Variants in MYH7 observed in about 807,000 individuals in gnomAD.
MYH7 encodes the protein myosin-7.
In MYH7, 129 loss-of-function variants were observed where a neutral mutation model predicts 225.4. The ratio of observed to expected loss-of-function variants is 0.57; its 90% CI spans 0.50 to 0.66. The LOEUF (loss-of-function observed/expected upper bound fraction) is 0.66. Among genes scored for constraint, MYH7 ranks in the 30% least tolerant of loss-of-function variants. The pLI is 0.00. For missense variants in MYH7, 1,649 were observed against 2,517.0 expected, an observed-to-expected ratio of 0.66 and a Z score of 7.38; for synonymous variants, 971 against 1,007.6, an observed-to-expected ratio of 0.96 and a Z score of 0.69.
intron 1 of MYH7, among the ~76,000 whole-genome samples, chr14:23,435,320 G>C (rs1314342372): frequency 7.9e-5 from 12 of 151,946 alleles, no homozygotes; most frequent in Non-Finnish European, 1.8e-4. Flanking sequence ...GTATCAGTCA[G>C]TGAGGTACAT....
At position 23,417,581 on chromosome 14, in the gene MYH7, G is replaced by T. The variant is rs57680382; in HGVS notation, c.4275C>A (p.Ile1425=). ...GCTCTACGTCCACCATCAAGTCCTC[G>T]ATCTCATTCTGTAGCCGGTGCTTGG... ...EKTKHRLQNE[I]EDLMVDVERS... is the part of the protein sequence containing the mutation. The change falls in exon 31 of 40, where the codon ATC becomes ATA. Residue 1425 remains isoleucine (I), a synonymous_variant. Coordinates refer to ENST00000355349, the MANE Select transcript of MYH7 (RefSeq NM_000257.4). The T allele has an allele frequency of 9.9e-6, 16 of 1,612,588 alleles. No individual in the cohort carries two copies. The highest frequency in any genetic ancestry group is 2.1e-4 in the Middle Eastern group (1 of 4,704).
rs758571263 is a variant in MYH7, at chr14:23,415,990, C to T, written c.4953+14G>A. On this transcript the variant is annotated intron_variant, in intron 34 of 39. Transcript: ENST00000355349. The surrounding 1 kb of genome is among the most constrained non-coding windows in gnomAD (Gnocchi z 6.3). Reference sequence around the variant, plus strand: ...GCCAGGCCACGTGGAGGCCAGTCCCCTCTGGGTGAGTACCTTCAACAAGCT... The same window carrying T: ...GCCAGGCCACGTGGAGGCCAGTCCCTTCTGGGTGAGTACCTTCAACAAGCT... 3 of 1,614,034 alleles carry T rather than the reference C, an allele frequency of 1.9e-6. No homozygotes were observed. The African/African-American group carries it at 4.0e-5, about 22-fold the overall frequency.
At chr14:23,429,963 G>T in intron 11 of MYH7, 50 bp from the exon 12 acceptor site, 1 of 1,607,418 alleles carries the variant, frequency 6.2e-7, no homozygotes, top group Non-Finnish European at 8.5e-7. Context: ...AGTATGATGG[G>T]TAAGTGAGAT....
Position 23,427,312 on chromosome 14 carries a change from A to G in MYH7, c.1889-5T>C, listed in dbSNP as rs1201097449. ...TGCCTTTGCCCTTCTCAATAGCTGC[A>G]GGAAGGAGAGTCAACAAAAGAAGCA... is the stretch of plus-strand genomic sequence containing the variant. On this transcript the variant is annotated splice_polypyrimidine_tract_variant and splice_region_variant and intron_variant, in intron 16 of 39. Transcript: ENST00000355349. The G allele has an allele frequency of 2.5e-6, 4 of 1,614,100 alleles. No individual in the cohort carries two copies. The African/African-American group carries it at 5.3e-5, about 22-fold the overall frequency.
rs1892662522 is a variant in MYH7 at position 23,425,590 on chromosome 14, C to T, written c.2286+105G>A. The T allele has an allele frequency of 2.5e-6, 4 of 1,596,772 alleles. No homozygotes were observed. Among genetic ancestry groups the T allele is most frequent in the Admixed American group, 3.4e-5 (2 of 59,644 alleles). On this transcript the variant is annotated intron_variant, in intron 20 of 39. Coordinates refer to ENST00000355349, the MANE Select transcript of MYH7 (RefSeq NM_000257.4). The surrounding 1 kb of genome is among the most constrained non-coding windows in gnomAD (Gnocchi z 4.6). Reference sequence around the variant, plus strand: ...CTAGATGTTCCACTGGGAGGGGTAGCATACAGGTAAGAGATTTTGCTAAGA... The same window carrying T: ...CTAGATGTTCCACTGGGAGGGGTAGTATACAGGTAAGAGATTTTGCTAAGA...
chr14:23,421,399 T>G (rs1892469759), intron 25 of MYH7, among the ~76,000 whole-genome samples: 1 of 152,238 alleles, frequency 6.6e-6, no homozygotes, highest in South Asian at 2.1e-4. Context: ...TTGCTTTGGG[T>G]AACTCAGCTA....
Position 23,425,428 on chromosome 14 carries a change from A to T in MYH7, c.2287-10T>A. 1 of 1,614,022 alleles carries T rather than the reference A, an allele frequency of 6.2e-7. No homozygotes were observed. The highest frequency in any genetic ancestry group is 8.5e-7 in the Non-Finnish European group (1 of 1,179,956). On this transcript the variant is annotated splice_polypyrimidine_tract_variant and intron_variant, in intron 20 of 39. Coordinates refer to ENST00000355349, the MANE Select transcript of MYH7 (RefSeq NM_000257.4). This position sits in a 1 kb window ranked among gnomAD's most constrained non-coding sequence, Gnocchi z 4.6. Reference sequence around the variant, plus strand: ...CGGCCTTGAAGAACACCTGCAGGCAAGGTGTGTGTTGGCCATGACTAGGGA... The same window carrying T: ...CGGCCTTGAAGAACACCTGCAGGCATGGTGTGTGTTGGCCATGACTAGGGA...
At position 23,430,751 on chromosome 14, in the gene MYH7, A is replaced by C. The variant is rs1892897235; in HGVS notation, c.896-88T>G. 28 of 1,339,014 alleles carry C rather than the reference A, an allele frequency of 2.1e-5. No homozygotes were observed. The South Asian group carries it at 2.8e-4, about 13-fold the overall frequency. The allele number at this position is 1,339,014 out of a possible 1,614,324, so 82.9% of individuals were successfully genotyped here. A position where few individuals can be genotyped will look rare whatever the true frequency, so the allele number is the denominator to read the frequency against. ...CACAGCACATGGCCTGAGGAAGAGCACAGGACAGGGCTTGGCTTGGCCCCA... is the reference window on the plus strand; with the variant it reads ...CACAGCACATGGCCTGAGGAAGAGCCCAGGACAGGGCTTGGCTTGGCCCCA... On this transcript the variant is annotated intron_variant, in intron 10 of 39. Transcript: ENST00000355349.
chr14:23,432,832 G>A (rs771747160), intron 4 of MYH7, 37 bp from the exon 5 acceptor site: 8 of 1,613,320 alleles, frequency 5.0e-6, no homozygotes, highest in East Asian at 2.2e-5. Context: ...TGCCAGTTGC[G>A]AAGGGGGAGG....
Position 23,429,354 on chromosome 14 carries a change from G to A in MYH7, c.1139-7C>T. 2.5e-6 allele frequency: 4 copies of A among 1,613,040 alleles called. No homozygotes were observed. Among genetic ancestry groups the A allele is most frequent in the Non-Finnish European group, 3.4e-6 (4 of 1,179,000 alleles). ...TAGGCAGACTTGTCAGCCTCTGGAA[G>A]GAAAAGGCAAGTAGCAAAGTTGGTA... On this transcript the variant is annotated splice_polypyrimidine_tract_variant and splice_region_variant and intron_variant, in intron 12 of 39. Coordinates refer to ENST00000355349, the MANE Select transcript of MYH7 (RefSeq NM_000257.4).
chr14:23,426,724 T>A (rs1363676636), intron 18 of MYH7, 53 bp downstream of exon 18: 13 of 1,520,900 alleles, frequency 8.5e-6, no homozygotes, highest in Non-Finnish European at 1.1e-5. Flanking sequence ...GGAGGTCCTG[T>A]TCCCAGGGCG....
In MYH7 at chr14:23,425,022, T is replaced by G; in HGVS notation, c.2426A>C (p.Asp809Ala). Reference sequence around the variant, plus strand: ...GTTCCACTGGATTACCAGCAGGGAGTCTCTGCAGGGGCCCATTGAAAGGAG... The same window carrying G: ...GTTCCACTGGATTACCAGCAGGGAGGCTCTGCAGGGGCCCATTGAAAGGAG... ...MEYKKLLERRDSLLVIQWNIR... is the reference protein window; with the variant it reads ...MEYKKLLERRASLLVIQWNIR... The change falls in exon 22 of 40, where the codon GAC becomes GCC. Residue 809 changes from aspartate (D) to alanine (A), a missense_variant and splice_region_variant. Physicochemically the swap from Asp to Ala is moderately radical, Grantham distance 126. Transcript: ENST00000355349. This position sits in a 1 kb window ranked among gnomAD's most constrained non-coding sequence, Gnocchi z 4.6. 6.2e-7 allele frequency: 1 copy of G among 1,614,054 alleles called. No homozygotes were observed. Among genetic ancestry groups the G allele is most frequent in the Non-Finnish European group, 8.5e-7 (1 of 1,180,010 alleles).
In MYH7 at chr14:23,428,718, G is replaced by A. The variant is rs1487143448; in HGVS notation, c.1408-48C>T. On this transcript the variant is annotated intron_variant, in intron 14 of 39. Coordinates refer to ENST00000355349, the MANE Select transcript of MYH7 (RefSeq NM_000257.4). ...GAGCAGTCAGAAAGTGGGTGTGAGT[G>A]GCCATTGGGGCTGTGCCCGTCCACT... 2.5e-6 allele frequency: 4 copies of A among 1,613,016 alleles called. No individual in the cohort carries two copies. The African/African-American group carries it at 5.3e-5, about 22-fold the overall frequency.
chr14:23,430,495 T>C (rs1321238860), intron 11 of MYH7, 65 bp downstream of exon 11: 22 of 1,312,520 alleles, frequency 1.7e-5, no homozygotes, highest in Non-Finnish European at 2.1e-5. Context: ...AGCTCTGCTT[T>C]TGGACCCCTG....
chr14:23,432,561 G>A, intron 5 of MYH7, 55 bp from the exon 6 acceptor site: 3 of 1,614,102 alleles, frequency 1.9e-6, no homozygotes, highest in African/African-American at 1.3e-5. Flanking sequence ...TGCTCTCGTG[G>A]GGCTTCTCCC....
rs113740659 is a variant in MYH7, at chr14:23,425,208, T to A, written c.2423+74A>T. ...CTCTGTGTTTGAAGATCTGCTGAGC[T>A]TTTTTTCCTGACACTGCCCCTGAAC... On this transcript the variant is annotated intron_variant, in intron 21 of 39. Transcript: ENST00000355349. This position sits in a 1 kb window ranked among gnomAD's most constrained non-coding sequence, Gnocchi z 4.6. 4 of 1,611,690 alleles carry A rather than the reference T, an allele frequency of 2.5e-6. No homozygotes were observed. The highest frequency in any genetic ancestry group is 1.7e-6 in the Non-Finnish European group (2 of 1,178,424).
At position 23,426,147 on chromosome 14, in the gene MYH7, T is replaced by G. The variant is rs1892688589; in HGVS notation, c.2045-66A>C. 6 of 1,565,668 alleles carry G rather than the reference T, an allele frequency of 3.8e-6. No individual in the cohort carries two copies. In the South Asian group the frequency reaches 4.5e-5, roughly 12 times the overall value. ...GGACTGAAGTTCTGGGTTCTGATCC[T>G]GGCTTTGTCACTGATTAGCTTGTAA... On this transcript the variant is annotated intron_variant, in intron 18 of 39. Coordinates refer to ENST00000355349, the MANE Select transcript of MYH7 (RefSeq NM_000257.4).
At chr14:23,432,861 T>G (rs1893005509) in intron 4 of MYH7, 66 bp from the exon 5 acceptor site, 6 of 1,598,344 alleles carry the variant, frequency 3.8e-6, no homozygotes, top group Non-Finnish European at 5.1e-6. Flanking sequence ...TTTTGGGAGT[T>G]AGAGAAAGAT....
rs397516227 is a variant in MYH7 at position 23,416,237 on chromosome 14, G to A, written c.4720C>T (p.Arg1574Trp). 6.2e-6 allele frequency: 10 copies of A among 1,613,974 alleles called. No individual in the cohort carries two copies. The highest frequency in any genetic ancestry group is 7.6e-6 in the Non-Finnish European group (9 of 1,179,978). ...EFNQIKAEIE[R>W]KLAEKDEEME... The stretch of plus-strand genomic sequence containing the variant: ...TCCTCGTCCTTCTCTGCCAGCTTCC[G>A]CTCGATCTCTGCCTTGATCTGGTTG... The change falls in exon 34 of 40, where the codon CGG (arginine) becomes TGG (tryptophan). Residue 1574 changes from arginine to tryptophan, a missense_variant. This residue lies in a region of MYH7 where 687 missense variants were observed against 913.8 expected (regional missense o/e 0.75). Transcript: ENST00000355349.
Sources: gnomAD v4.1 joint callset for allele counts (sites outside exome capture counted in the v4.1 genomes callset) on GRCh38, gnomAD v4.1.1 for gene constraint, gnomAD v4.1.1 regional missense constraint, Gnocchi (gnomAD v3.1) non-coding constraint, MANE v1.5 for transcripts, NCBI Gene and HGNC (gene_info 2026-07-23, HGNC 2026-07-21) for gene names.